Variants in TSPAN8 observed in about 807,000 individuals in gnomAD.
The protein encoded by TSPAN8 is tetraspanin-8.
Under a neutral mutation model 32.8 loss-of-function variants are expected in TSPAN8, and 21 were observed. The observed-to-expected ratio is 0.64, with a 90% CI of 0.45 to 0.92. TSPAN8 has a LOEUF of 0.92. Among genes scored for constraint, TSPAN8 ranks in the 40% least tolerant of loss-of-function variants. The probability of loss-of-function intolerance (pLI) is 0.00; values close to 1 mark genes in which losing one functional copy is unlikely to be tolerated. For missense variants in TSPAN8, 269 were observed against 281.9 expected (o/e 0.95, Z 0.33); for synonymous variants, 95 against 94.6 (o/e 1.00, Z -0.03).
chr12:71,154,682 T>C lies in TSPAN8; in HGVS notation c.60+2937A>G, dbSNP rs187489320. On this transcript the variant is annotated intron_variant, in intron 2 of 8. Coordinates refer to ENST00000247829, the MANE Select transcript of TSPAN8 (RefSeq NM_004616.3). ...GAACATCTTTAATAAAATAGGAGCC[T>C]TGCATTTATTAGCATATTAATATTT... 6.6e-5 allele frequency among the ~76,000 whole-genome samples: 10 copies of C among 152,338 alleles called. No homozygotes were observed. In the East Asian group the frequency reaches 1.9e-3, roughly 29 times the overall value.
intron 6 of TSPAN8, among the ~76,000 whole-genome samples, chr12:71,135,115 C>G (rs1022075088): frequency 6.6e-6 from 1 of 152,026 alleles, no homozygotes; most frequent in Non-Finnish European, 1.5e-5. Context: ...TCCAGGTCAT[C>G]CAGCCAGAGT....
chr12:71,149,603 G>A (rs1355969665), intron 2 of TSPAN8, among the ~76,000 whole-genome samples: 1 of 152,170 alleles, frequency 6.6e-6, no homozygotes, highest in Non-Finnish European at 1.5e-5. Flanking sequence ...CTGGAGCCGC[G>A]GCAGCGGAAC....
At chr12:71,152,751 CTTCAT>C (rs2060749354) in intron 2 of TSPAN8, among the ~76,000 whole-genome samples, 1 of 152,156 alleles carries the variant, frequency 6.6e-6, no homozygotes, top group Non-Finnish European at 1.5e-5. Flanking sequence ...ATTGTTAGGT[CTTCAT>C]TTTGAAAGAT....
chr12:71,157,108 G>A (rs960244799), intron 2 of TSPAN8: 3 of 152,642 alleles, frequency 2.0e-5, no homozygotes, highest in Non-Finnish European at 4.4e-5. Flanking sequence ...TATGATTTAG[G>A]AATTTTATCA....
At chr12:71,137,256 A>C (rs1044620123) in intron 6 of TSPAN8, among the ~76,000 whole-genome samples, 5 of 152,018 alleles carry the variant, frequency 3.3e-5, no homozygotes, top group Non-Finnish European at 7.4e-5. Flanking sequence ...CTCCAGGCTG[A>C]GTGACACAGC....
intron 2 of TSPAN8, among the ~76,000 whole-genome samples, chr12:71,152,265 T>C (rs1872280855): frequency 6.6e-6 from 1 of 152,182 alleles, no homozygotes; most frequent in South Asian, 2.1e-4. Flanking sequence ...GTTTACAAAA[T>C]CCACTTTTTC....
intron 2 of TSPAN8, among the ~76,000 whole-genome samples, chr12:71,155,115 A>C (rs1872384098): frequency 6.6e-6 from 1 of 152,246 alleles, no homozygotes; most frequent in Non-Finnish European, 1.5e-5. Context: ...TGCCACTTAA[A>C]AAATATTAAA....
At chr12:71,151,115 G>A (rs963875653) in intron 2 of TSPAN8, among the ~76,000 whole-genome samples, 2 of 150,680 alleles carry the variant, frequency 1.3e-5, no homozygotes, top group Non-Finnish European at 2.9e-5. Flanking sequence ...CCAGGCTGGA[G>A]TGCAGTGGCG....
intron 8 of TSPAN8, among the ~76,000 whole-genome samples, chr12:71,126,831 T>C (rs1406623578): frequency 6.6e-6 from 1 of 151,830 alleles, no homozygotes; most frequent in Non-Finnish European, 1.5e-5. Flanking sequence ...TATAGTCAAA[T>C]GAGGAGAGTA....
At chr12:71,142,784 C>T (rs1871941773) in intron 3 of TSPAN8, among the ~76,000 whole-genome samples, 1 of 151,022 alleles carries the variant, frequency 6.6e-6, no homozygotes, top group African/African-American at 2.4e-5. Flanking sequence ...CCTCTGGGCT[C>T]CCTAAGGGCA....
chr12:71,136,260 A>G (rs141622648), intron 6 of TSPAN8, among the ~76,000 whole-genome samples: 1 of 152,354 alleles, frequency 6.6e-6, no homozygotes, highest in Non-Finnish European at 1.5e-5. Context: ...CTAGTACTAA[A>G]TAATGTAAAT....
At chr12:71,127,012 C>T (rs775373762) in intron 8 of TSPAN8, among the ~76,000 whole-genome samples, 1 of 152,122 alleles carries the variant, frequency 6.6e-6, no homozygotes. Flanking sequence ...GCCCACCTCA[C>T]TAAAACCTAT....
chr12:71,146,135 A>C (rs1705233), intron 2 of TSPAN8, among the ~76,000 whole-genome samples: 139,269 of 152,150 alleles, frequency 0.92, 63,798 homozygotes, highest in East Asian at 1. Context: ...AGAAAGAGTA[A>C]CCAGTTGTTT....
At chr12:71,145,833 C>A (rs1374016256) in intron 2 of TSPAN8, among the ~76,000 whole-genome samples, 2 of 152,126 alleles carry the variant, frequency 1.3e-5, no homozygotes, top group African/African-American at 4.8e-5. Context: ...AATAGTCATT[C>A]TGGCCTTCAT....
intron 4 of TSPAN8, chr12:71,139,398 C>G (rs1871821342): frequency 2.0e-6 from 1 of 498,672 alleles, no homozygotes; most frequent in Non-Finnish European, 3.6e-6. Context: ...TTAACCTTCC[C>G]TAGTAGGTTC....
Position 71,132,686 on chromosome 12 carries a change from TTC to T in TSPAN8, c.576+5_576+6del, listed in dbSNP as rs766635069. The T allele has an allele frequency of 6.2e-6, 10 of 1,613,296 alleles. No homozygotes were observed. The South Asian group carries it at 1.1e-4, about 18-fold the overall frequency. ...GCTTATTGTACCAAATGTGATTTAG[TTC>T]TCACCTCTTTGTAAACTTGTTTTCC... is the stretch of plus-strand genomic sequence containing the variant. On this transcript the variant is annotated splice_donor_5th_base_variant and intron_variant, in intron 7 of 8. Coordinates refer to ENST00000247829, the MANE Select transcript of TSPAN8 (RefSeq NM_004616.3).
At chr12:71,132,313 A>G (rs1871542109) in intron 7 of TSPAN8, among the ~76,000 whole-genome samples, 2 of 152,204 alleles carry the variant, frequency 1.3e-5, no homozygotes, top group East Asian at 3.8e-4. Flanking sequence ...TTAGAAAACA[A>G]AAAACATTGA....
intron 6 of TSPAN8, among the ~76,000 whole-genome samples, chr12:71,133,824 G>A (rs1017864793): frequency 6.6e-6 from 1 of 152,072 alleles, no homozygotes; most frequent in Non-Finnish European, 1.5e-5. Flanking sequence ...TTATTAGATG[G>A]GAGAAAGAAA....
chr12:71,143,619 C>T (rs909123223), intron 3 of TSPAN8, among the ~76,000 whole-genome samples: 3 of 152,168 alleles, frequency 2.0e-5, no homozygotes, highest in Non-Finnish European at 4.4e-5. Context: ...AAGTGGTTAC[C>T]TTCACTGCCA....
Sources: allele counts gnomAD v4.1 joint callset (sites outside exome capture counted in the v4.1 genomes callset), GRCh38; gene constraint gnomAD v4.1.1; transcripts MANE v1.5; gene names NCBI Gene and HGNC (gene_info 2026-07-23, HGNC 2026-07-21).